USP16: variants seen among roughly 807,000 people sequenced by gnomAD.
USP16 encodes the protein ubiquitin specific peptidase 16, also known as ubiquitin carboxyl-terminal hydrolase 16.
Under a neutral mutation model 95.9 loss-of-function variants are expected in USP16, and 77 were observed. That is an observed-to-expected ratio of 0.80 (90% CI 0.67 to 0.97). USP16 has a LOEUF of 0.97. Ranked by LOEUF, USP16 falls within the 50% of genes least tolerant of loss-of-function variation. The pLI is 0.00. For synonymous variants in USP16, 303 were observed against 318.2 expected (o/e 0.95, Z 0.51); for missense variants, 943 against 959.9 (o/e 0.98, Z 0.23).
In USP16 at chr21:29,028,539, G is replaced by A. The variant is rs190879128; in HGVS notation, c.61+565G>A. 5.9e-5 allele frequency among the ~76,000 whole-genome samples: 9 copies of A among 152,032 alleles called. No individual in the cohort carries two copies. The East Asian group carries it at 1.7e-3, about 29-fold the overall frequency. On this transcript the variant is annotated intron_variant, in intron 2 of 17. Coordinates refer to ENST00000399976, the MANE Select transcript of USP16 (RefSeq NM_006447.3). Reference sequence around the variant, plus strand: ...CAGCCTTTGCCTTGAGGGTTCAAGCGATTCTCCTGTCTCAGCCTCATGAGT... The same window carrying A: ...CAGCCTTTGCCTTGAGGGTTCAAGCAATTCTCCTGTCTCAGCCTCATGAGT...
At position 29,042,105 on chromosome 21, in the gene USP16, G is replaced by GT; in HGVS notation, c.1122+2dup. The GT allele has an allele frequency of 6.2e-7, 1 of 1,607,934 alleles. No homozygotes were observed. Among genetic ancestry groups the GT allele is most frequent in the Non-Finnish European group, 8.5e-7 (1 of 1,176,700 alleles). On this transcript the variant is annotated splice_donor_variant, in intron 11 of 17. Coordinates refer to ENST00000399976, the MANE Select transcript of USP16 (RefSeq NM_006447.3). LOFTEE classifies it high-confidence loss of function. ...GATCATGTGTGATCAATGCAGAACT[G>GT]TAAGTAGATGTCATGTATACTGGGT...
At chr21:29,028,529 G>C (rs529033779) in intron 2 of USP16, among the ~76,000 whole-genome samples, 1 of 152,116 alleles carries the variant, frequency 6.6e-6, no homozygotes, top group Admixed American at 6.5e-5. Flanking sequence ...TTTGCCTTGA[G>C]GGTTCAAGCG....
At chr21:29,026,554 T>G (rs915661812) in intron 1 of USP16, 1 of 131,210 alleles carries the variant, frequency 7.6e-6, no homozygotes, top group African/African-American at 3.0e-5. Context: ...TTTTTTTTTT[T>G]TTTTTTTGGT....
In USP16 at chr21:29,039,175, T is replaced by G; in HGVS notation, c.863+19T>G. ...GTAAAAAGTGAGTATCCACTTCGATTGTGCTTTCAGTGCCTCAGTGAGATG... is the reference window on the plus strand; with the variant it reads ...GTAAAAAGTGAGTATCCACTTCGATGGTGCTTTCAGTGCCTCAGTGAGATG... On this transcript the variant is annotated intron_variant, in intron 8 of 17. Transcript: ENST00000399976. 6.7e-7 allele frequency: 1 copy of G among 1,487,076 alleles called. No homozygotes were observed. Among genetic ancestry groups the G allele is most frequent in the Non-Finnish European group, 9.0e-7 (1 of 1,115,486 alleles). The allele number at this position is 1,487,076 out of a possible 1,614,324, so 92.1% of individuals were successfully genotyped here. A position where few individuals can be genotyped will look rare whatever the true frequency, so the allele number is the denominator to read the frequency against.
intron 13 of USP16, among the ~76,000 whole-genome samples, chr21:29,044,431 A>T (rs975795686): frequency 6.8e-6 from 1 of 147,554 alleles, no homozygotes; most frequent in Non-Finnish European, 1.5e-5. Flanking sequence ...ATTTTAGTAT[A>T]TAAAACTTCT....
chr21:29,053,643 G>A, intron 16 of USP16, 159 bp from the exon 17 acceptor site: 5 of 664,474 alleles, frequency 7.5e-6, no homozygotes, highest in Non-Finnish European at 9.6e-6. Context: ...AAGTGTCTCA[G>A]GCTGAGAAGA....
chr21:29,037,181 G>A (rs2085170710), intron 5 of USP16, 95 bp from the exon 6 acceptor site: 2 of 726,596 alleles, frequency 2.8e-6, no homozygotes. Flanking sequence ...ATGACTTCAG[G>A]TAAACTCACA....
intron 5 of USP16, among the ~76,000 whole-genome samples, chr21:29,036,943 T>C (rs570182412): frequency 6.6e-6 from 1 of 152,256 alleles, no homozygotes; most frequent in African/African-American, 2.4e-5. Context: ...TGTTCTTGAT[T>C]GTTTTATATT....
In USP16 at chr21:29,024,698, C is replaced by G. The variant is rs1311025328; in HGVS notation, c.-121C>G. ...GGCTTCGACTCCGTCGCTCTCAATT[C>G]GTCACCAGGAGGAAGACGGAGCTGG... On this transcript the variant is annotated 5_prime_UTR_variant, in exon 1 of 18. Coordinates refer to ENST00000399976, the MANE Select transcript of USP16 (RefSeq NM_006447.3). 1.6e-6 allele frequency: 2 copies of G among 1,288,656 alleles called. No homozygotes were observed. Among genetic ancestry groups the G allele is most frequent in the Non-Finnish European group, 2.0e-6 (2 of 988,292 alleles). The allele number at this position is 1,288,656 out of a possible 1,614,324, so 79.8% of individuals were successfully genotyped here. A position where few individuals can be genotyped will look rare whatever the true frequency, so the allele number is the denominator to read the frequency against.
intron 13 of USP16, among the ~76,000 whole-genome samples, chr21:29,044,877 T>C (rs888781684): frequency 7.2e-5 from 11 of 152,166 alleles, no homozygotes; most frequent in Non-Finnish European, 1.5e-4. Context: ...TAATGGTGAG[T>C]GCTCTAGTGA....
chr21:29,041,377 T>C (rs905188770), intron 10 of USP16, among the ~76,000 whole-genome samples: 5 of 152,156 alleles, frequency 3.3e-5, no homozygotes, highest in African/African-American at 1.2e-4. Context: ...ATAATGCTTA[T>C]AGGTTTCACG....
intron 16 of USP16, chr21:29,052,209 A>G (rs567530357): frequency 6.6e-6 from 1 of 152,298 alleles, no homozygotes; most frequent in East Asian, 1.9e-4. Flanking sequence ...CTGTTCATGG[A>G]CCACATTTTG....
At chr21:29,041,086 T>C (rs1469674293) in intron 10 of USP16, among the ~76,000 whole-genome samples, 2 of 152,184 alleles carry the variant, frequency 1.3e-5, no homozygotes, top group East Asian at 3.8e-4. Flanking sequence ...GGAACTCCTC[T>C]ATACCTTTGC....
chr21:29,044,992 C>T (rs560893665), intron 13 of USP16, among the ~76,000 whole-genome samples: 5 of 152,192 alleles, frequency 3.3e-5, no homozygotes, highest in African/African-American at 9.6e-5. Context: ...GCTCCTGACC[C>T]TTGACAGCTG....
At chr21:29,029,556 A>G (rs890303857) in intron 2 of USP16, among the ~76,000 whole-genome samples, 1 of 152,226 alleles carries the variant, frequency 6.6e-6, no homozygotes, top group Non-Finnish European at 1.5e-5. Context: ...AAAGCTAATT[A>G]TGCCACTTGA....
chr21:29,030,550 C>A, intron 2 of USP16, 45 bp from the exon 3 acceptor site: 1 of 1,438,396 alleles, frequency 7.0e-7, no homozygotes, highest in South Asian at 1.6e-5. Context: ...TGAAGAAAGT[C>A]ATTTTTGACC....
chr21:29,048,280 G>A (rs1284008047), intron 14 of USP16, among the ~76,000 whole-genome samples: 3 of 152,006 alleles, frequency 2.0e-5, no homozygotes, highest in South Asian at 2.1e-4. Flanking sequence ...ATAGGGTTTC[G>A]CCACGTTGGC....
intron 2 of USP16, among the ~76,000 whole-genome samples, chr21:29,029,065 A>G (rs1426182656): frequency 6.6e-6 from 1 of 152,190 alleles, no homozygotes; most frequent in Non-Finnish European, 1.5e-5. Flanking sequence ...CTGAACCTTC[A>G]TCGGCACTGG....
At chr21:29,026,411 G>GGGC (rs2146354035) in intron 1 of USP16, among the ~76,000 whole-genome samples, 1 of 148,520 alleles carries the variant, frequency 6.7e-6, no homozygotes, top group African/African-American at 2.5e-5. Context: ...AGCCGAGATC[G>GGGC]GGCCACTGCA....
Sources: gnomAD v4.1 joint callset for allele counts (sites outside exome capture counted in the v4.1 genomes callset) on GRCh38, gnomAD v4.1.1 for gene constraint, MANE v1.5 for transcripts, NCBI Gene and HGNC (gene_info 2026-07-23, HGNC 2026-07-21) for gene names.